The following PSPC1 variants were observed in gnomAD, a reference collection of about 807,000 sequenced individuals.
The protein encoded by PSPC1 is paraspeckle component 1.
PSPC1 carries 14 observed loss-of-function variants against 51.6 expected under a neutral mutation model. The ratio of observed to expected loss-of-function variants is 0.27; its 90% CI spans 0.18 to 0.42. The LOEUF is 0.42. Ranked by LOEUF, PSPC1 falls within the 10% of genes least tolerant of loss-of-function variation. The pLI, the probability that PSPC1 is intolerant of heterozygous loss-of-function variation, is 1.00. For missense variants in PSPC1, 406 were observed against 701.1 expected (o/e 0.58, Z 4.75); for synonymous variants, 193 against 231.9 (o/e 0.83, Z 1.53).
intron 5 of PSPC1, among the ~76,000 whole-genome samples, chr13:19,738,196 CCA>C (rs1392837879): frequency 6.6e-6 from 1 of 152,124 alleles, no homozygotes; most frequent in Non-Finnish European, 1.5e-5. Flanking sequence ...ATATTAAACA[CCA>C]CAGAGTTCAT....
chr13:19,723,102 C>T (rs948669430), intron 6 of PSPC1, among the ~76,000 whole-genome samples: 1 of 152,144 alleles, frequency 6.6e-6, no homozygotes, highest in Non-Finnish European at 1.5e-5. Context: ...CAGAGCAAGA[C>T]TCCCTCCTTA....
downstream of PSPC1, chr13:19,673,054 CAAA>C (rs752838814): frequency 8.1e-5 from 32 of 394,220 alleles, no homozygotes; most frequent in Admixed American, 1.8e-4. Context: ...GACCTTGTCT[CAAA>C]AAAAAAAAAA....
At chr13:19,756,731 G>A (rs1282092955) in intron 3 of PSPC1, among the ~76,000 whole-genome samples, 3 of 151,744 alleles carry the variant, frequency 2.0e-5, no homozygotes, top group South Asian at 2.1e-4. Context: ...TCCTGACCTC[G>A]TGATCTGCCC....
intron 2 of PSPC1, among the ~76,000 whole-genome samples, chr13:19,763,429 T>C (rs1326969484): frequency 6.6e-6 from 1 of 152,166 alleles, no homozygotes; most frequent in Non-Finnish European, 1.5e-5. Flanking sequence ...CTGCTTGGGT[T>C]TTTGTTTTTC....
chr13:19,717,277 T>C (rs1882212164), intron 6 of PSPC1, among the ~76,000 whole-genome samples: 1 of 150,846 alleles, frequency 6.6e-6, no homozygotes, highest in Non-Finnish European at 1.5e-5. Context: ...CTAATAAAAG[T>C]AAACTGGGCC....
chr13:19,716,638 A>G (rs1027441829), intron 6 of PSPC1, among the ~76,000 whole-genome samples: 1 of 152,240 alleles, frequency 6.6e-6, no homozygotes, highest in African/African-American at 2.4e-5. Context: ...AAAATAATGT[A>G]GAACATTTAA....
chr13:19,773,954 A>G (rs1478688824), intron 1 of PSPC1, among the ~76,000 whole-genome samples: 5 of 152,088 alleles, frequency 3.3e-5, no homozygotes, highest in African/African-American at 1.2e-4. Context: ...ATCTTGCCCT[A>G]GCCAATGTCT....
intron 6 of PSPC1, among the ~76,000 whole-genome samples, chr13:19,685,720 T>A (rs936755107): frequency 1.3e-5 from 2 of 152,200 alleles, no homozygotes; most frequent in African/African-American, 4.8e-5. Flanking sequence ...GTGAAATAAA[T>A]ATGGAATTTT....
intron 3 of PSPC1, among the ~76,000 whole-genome samples, chr13:19,755,821 T>C (rs1887012026): frequency 6.6e-6 from 1 of 152,140 alleles, no homozygotes; most frequent in East Asian, 1.9e-4. Flanking sequence ...AAATATCATG[T>C]TCATAAATCC....
intron 6 of PSPC1, among the ~76,000 whole-genome samples, chr13:19,681,595 C>T (rs907645031): frequency 1.2e-4 from 19 of 152,170 alleles, no homozygotes; most frequent in African/African-American, 4.6e-4. Context: ...GAGGCAGACA[C>T]CTGTTGTGCT....
intron 6 of PSPC1, among the ~76,000 whole-genome samples, chr13:19,680,819 GCCC>G (rs1277401930): frequency 2.6e-5 from 4 of 152,132 alleles, no homozygotes; most frequent in African/African-American, 9.7e-5. Flanking sequence ...AGTGAAAAAG[GCCC>G]CTCTAACCAC....
intron 6 of PSPC1, among the ~76,000 whole-genome samples, chr13:19,693,453 T>C (rs1878803812): frequency 6.6e-6 from 1 of 152,178 alleles, no homozygotes; most frequent in Non-Finnish European, 1.5e-5. Flanking sequence ...ACAGTTGGTG[T>C]CATTCATTCA....
chr13:19,724,154 T>G (rs1240050660), intron 6 of PSPC1, among the ~76,000 whole-genome samples: 1 of 152,170 alleles, frequency 6.6e-6, no homozygotes, highest in Middle Eastern at 3.2e-3. Flanking sequence ...AAATTCCTCA[T>G]TAGAGCTTTA....
At chr13:19,739,341 T>C (rs758398219) in intron 5 of PSPC1, among the ~76,000 whole-genome samples, 1 of 152,044 alleles carries the variant, frequency 6.6e-6, no homozygotes, top group Non-Finnish European at 1.5e-5. Context: ...ACATGAGGGG[T>C]AGGTATAATT....
intron 6 of PSPC1, among the ~76,000 whole-genome samples, chr13:19,684,466 A>G (rs1033790187): frequency 6.6e-6 from 1 of 152,238 alleles, no homozygotes; most frequent in Non-Finnish European, 1.5e-5. Context: ...TCATGTTCAT[A>G]TATCATGAAA....
intron 6 of PSPC1, among the ~76,000 whole-genome samples, chr13:19,722,427 G>A (rs944301961): frequency 5.9e-5 from 9 of 151,982 alleles, no homozygotes; most frequent in African/African-American, 2.2e-4. Context: ...TTAAGCTGAG[G>A]AGTTCAAGGT....
Position 19,752,120 on chromosome 13 carries a change from A to G in PSPC1, c.771-653T>C, listed in dbSNP as rs543342265. Among the ~76,000 whole-genome samples the G allele has an allele frequency of 2.6e-5, 4 of 152,310 alleles. No homozygotes were observed. The East Asian group carries it at 7.7e-4, about 29-fold the overall frequency. The stretch of plus-strand genomic sequence containing the variant: ...ACATGAATATGAATTAACTGTCTGG[A>G]TCAGATGTTTTTCTAGTAAAACCAG... On this transcript the variant is annotated intron_variant, in intron 3 of 8. Coordinates refer to ENST00000338910, the MANE Select transcript of PSPC1 (RefSeq NM_001354909.2).
chr13:19,756,544 G>A (rs1887089905), intron 3 of PSPC1, among the ~76,000 whole-genome samples: 1 of 151,770 alleles, frequency 6.6e-6, no homozygotes, highest in African/African-American at 2.4e-5. Context: ...CTGTCATCCA[G>A]GCTGGAGTGT....
At chr13:19,673,653 A>G (rs115280440), downstream of PSPC1, among the ~76,000 whole-genome samples, 2 of 152,188 alleles carry the variant, frequency 1.3e-5, no homozygotes. Flanking sequence ...GGAGGAGTCC[A>G]ACTATAGATG....
Sources: gnomAD v4.1 joint callset for allele counts (sites outside exome capture counted in the v4.1 genomes callset) on GRCh38, gnomAD v4.1.1 for gene constraint, MANE v1.5 for transcripts, NCBI Gene and HGNC (gene_info 2026-07-23, HGNC 2026-07-21) for gene names.